Variants in PNLIP observed in about 807,000 individuals in gnomAD.
PNLIP encodes the protein pancreatic triacylglycerol lipase.
In PNLIP, 49 loss-of-function variants were observed where a neutral mutation model predicts 57.1. The ratio of observed to expected loss-of-function variants is 0.86; its 90% confidence interval spans 0.68 to 1.09. PNLIP has a LOEUF of 1.09. PNLIP is among the 50% of genes least tolerant of loss of function. The probability of loss-of-function intolerance (pLI) is 0.00; values close to 1 mark genes in which losing one functional copy is unlikely to be tolerated. For missense variants in PNLIP, 503 were observed against 570.2 expected, an observed-to-expected ratio of 0.88 and a Z score of 1.20; for synonymous variants, 209 against 200.4, an observed-to-expected ratio of 1.04 and a Z score of -0.36.
intron 5 of PNLIP, 119 bp from the exon 6 acceptor site, chr10:116,553,606 CTT>C (rs1847218127): frequency 1.4e-6 from 1 of 703,378 alleles, no homozygotes; most frequent in Admixed American, 2.1e-5. Flanking sequence ...TGTAAATATA[CTT>C]TATGATGTTC....
rs1847138136 is a variant in PNLIP at position 116,547,365 on chromosome 10, C to G, written c.118C>G (p.Pro40Ala). 1 of 1,613,820 alleles carries G rather than the reference C, an allele frequency of 6.2e-7. No homozygotes were observed. The highest frequency in any genetic ancestry group is 8.5e-7 in the Non-Finnish European group (1 of 1,179,846). Reference sequence around the variant, plus strand: ...CCCATGGTCAGGAATTACGGAAAGACCCCTCCATATATTGCCTTGGTCTCC... The same window carrying G: ...CCCATGGTCAGGAATTACGGAAAGAGCCCTCCATATATTGCCTTGGTCTCC... ...DSPWSGITERPLHILPWSPKD... is the reference protein window; with the variant it reads ...DSPWSGITERALHILPWSPKD... The change falls in exon 3 of 13, where the codon CCC (proline) becomes GCC (alanine). Residue 40 changes from proline to alanine, a missense_variant. Coordinates refer to ENST00000369221, the MANE Select transcript of PNLIP (RefSeq NM_000936.4).
intron 5 of PNLIP, among the ~76,000 whole-genome samples, chr10:116,551,625 A>C (rs957862328): frequency 3.2e-4 from 48 of 152,228 alleles, no homozygotes; most frequent in Non-Finnish European, 3.8e-4. Flanking sequence ...CAAAAACCAC[A>C]GAAAATGTTA....
chr10:116,564,098 A>C (rs1250434016), intron 12 of PNLIP, among the ~76,000 whole-genome samples: 1 of 152,128 alleles, frequency 6.6e-6, no homozygotes, highest in Non-Finnish European at 1.5e-5. Flanking sequence ...TGAAGAAAAC[A>C]GCACAGCACC....
rs1368762698 is a variant in PNLIP, at chr10:116,567,802, AC to A, written c.*5del. ...GCTCACCCTCACACCGTGTTAGGAG[AC>A]TACTGTTATTTGACCAATGAATTGA... On this transcript the variant is annotated 3_prime_UTR_variant, in exon 13 of 13. Coordinates refer to ENST00000369221, the MANE Select transcript of PNLIP (RefSeq NM_000936.4). 1 of 1,606,876 alleles carries A rather than the reference AC, an allele frequency of 6.2e-7. No individual in the cohort carries two copies.
chr10:116,553,870 G>C, intron 6 of PNLIP, 32 bp downstream of exon 6: 2 of 1,363,356 alleles, frequency 1.5e-6, no homozygotes, highest in Non-Finnish European at 2.1e-6. Context: ...TACCAGGGGG[G>C]TTGAGGCAAG....
rs370443086 is a variant in PNLIP, at chr10:116,567,741, C to A, written c.1341C>A (p.Asn447Lys). ...IVETNVGKQF[N>K]FCSPETVREE... ...TGTTGTTTTTTCTCCACAGGTTCAA[C>A]TTCTGTAGTCCAGAAACCGTCAGGG... Residue 447 changes from asparagine (N) to lysine (K), a missense_variant, in exon 13 of 13, where the codon AAC becomes AAA. Asn to Lys is a moderately conservative substitution (Grantham distance 94). Coordinates refer to ENST00000369221, the MANE Select transcript of PNLIP (RefSeq NM_000936.4). 3.5e-5 allele frequency: 57 copies of A among 1,613,548 alleles called. No homozygotes were observed. The highest frequency in any genetic ancestry group is 4.6e-5 in the Non-Finnish European group (54 of 1,179,546).
intron 12 of PNLIP, 77 bp downstream of exon 12, chr10:116,561,713 T>C: frequency 7.6e-7 from 1 of 1,314,080 alleles, no homozygotes; most frequent in Non-Finnish European, 1.1e-6. Flanking sequence ...AAGTCTAATT[T>C]AAGTGAAACC....
chr10:116,552,662 G>A (rs530085560), intron 5 of PNLIP, among the ~76,000 whole-genome samples: 5 of 152,194 alleles, frequency 3.3e-5, no homozygotes, highest in Middle Eastern at 3.4e-3. Flanking sequence ...CGAGGCGGGC[G>A]GATCATGAGG....
chr10:116,561,366 C>A, intron 11 of PNLIP, 106 bp from the exon 12 acceptor site: 1 of 736,800 alleles, frequency 1.4e-6, no homozygotes, highest in Non-Finnish European at 2.1e-6. Flanking sequence ...GTCTTAGAAA[C>A]ATAAATGTGT....
intron 12 of PNLIP, among the ~76,000 whole-genome samples, chr10:116,566,193 T>C (rs1847365718): frequency 6.6e-6 from 1 of 152,232 alleles, no homozygotes; most frequent in Admixed American, 6.5e-5. Context: ...AACTATGGTC[T>C]ATGGTCTGTC....
chr10:116,559,118 G>A, intron 9 of PNLIP, 36 bp from the exon 10 acceptor site: 3 of 1,597,684 alleles, frequency 1.9e-6, no homozygotes, highest in Non-Finnish European at 2.6e-6. Context: ...CTAAAAGATA[G>A]GGCATCCTCA....
chr10:116,547,338 T>A lies in PNLIP; in HGVS notation c.91T>A (p.Ser31Thr), dbSNP rs1384365962. ...AAGACTCGGCTGCTTCAGTGATGAC[T>A]CCCCATGGTCAGGAATTACGGAAAG... is the stretch of plus-strand genomic sequence containing the variant. ...YERLGCFSDD[S>T]PWSGITERPL... Residue 31 changes from serine to threonine, a missense_variant, in exon 3 of 13, where the codon TCC becomes ACC. Coordinates refer to ENST00000369221, the MANE Select transcript of PNLIP (RefSeq NM_000936.4). 2 of 1,613,996 alleles carry A rather than the reference T, an allele frequency of 1.2e-6. No homozygotes were observed. The highest frequency in any genetic ancestry group is 3.3e-5 in the Admixed American group (2 of 60,008).
chr10:116,547,232 T>G, intron 2 of PNLIP, 62 bp from the exon 3 acceptor site: 1 of 1,501,462 alleles, frequency 6.7e-7, no homozygotes, highest in Non-Finnish European at 9.3e-7. Flanking sequence ...ACTCATATAT[T>G]GGCAGACAGA....
At chr10:116,549,366 C>G (rs1234672225) in intron 4 of PNLIP, among the ~76,000 whole-genome samples, 1 of 152,078 alleles carries the variant, frequency 6.6e-6, no homozygotes, top group Non-Finnish European at 1.5e-5. Flanking sequence ...GTAATCCCAG[C>G]TACTCAGGAG....
Position 116,551,133 on chromosome 10 carries a change from T to G in PNLIP, c.360T>G (p.Cys120Trp). 1 of 1,612,102 alleles carries G rather than the reference T, an allele frequency of 6.2e-7. No homozygotes were observed. The highest frequency in any genetic ancestry group is 8.5e-7 in the Non-Finnish European group (1 of 1,178,908). Residue 120 changes from cysteine (C) to tryptophan (W), a missense_variant, in exon 5 of 13, where the codon TGT (cysteine) becomes TGG (tryptophan). Physicochemically the swap from Cys to Trp is radical, Grantham distance 215. Transcript: ENST00000369221. ...LFKVESVNCI[C>W]VDWKGGSRTG... ...AGGTGGAAAGTGTGAACTGTATCTG[T>G]GTGGACTGGAAAGGTGGCTCCCGAA...
chr10:116,567,762 C>T lies in PNLIP; in HGVS notation c.1362C>T (p.Val454=). The T allele has an allele frequency of 6.2e-7, 1 of 1,613,964 alleles. No homozygotes were observed. The highest frequency in any genetic ancestry group is 1.1e-5 in the South Asian group (1 of 91,064). ...KQFNFCSPET[V]REEVLLTLTP... is the part of the protein sequence containing the mutation. Reference sequence around the variant, plus strand: ...TCAACTTCTGTAGTCCAGAAACCGTCAGGGAGGAAGTTCTGCTCACCCTCA... The same window carrying T: ...TCAACTTCTGTAGTCCAGAAACCGTTAGGGAGGAAGTTCTGCTCACCCTCA... Residue 454 remains valine (V), a synonymous_variant, in exon 13 of 13, where the codon GTC becomes GTT. Coordinates refer to ENST00000369221, the MANE Select transcript of PNLIP (RefSeq NM_000936.4).
intron 9 of PNLIP, among the ~76,000 whole-genome samples, chr10:116,557,452 T>C (rs759948618): frequency 6.6e-6 from 1 of 151,906 alleles, no homozygotes; most frequent in Non-Finnish European, 1.5e-5. Flanking sequence ...GAATTGGGAG[T>C]CCATGGGTGT....
chr10:116,559,366 T>C, intron 10 of PNLIP, 83 bp downstream of exon 10: 1 of 1,091,988 alleles, frequency 9.2e-7, no homozygotes, highest in East Asian at 2.5e-5. Context: ...ATACTTGCTT[T>C]TCTATACAAA....
At chr10:116,554,820 G>C (rs1236474139) in intron 6 of PNLIP, among the ~76,000 whole-genome samples, 1 of 152,254 alleles carries the variant, frequency 6.6e-6, no homozygotes, top group African/African-American at 2.4e-5. Context: ...AATGCCTGTG[G>C]TCTCAGTGAC....
Sources: gnomAD v4.1 joint callset for allele counts (sites outside exome capture counted in the v4.1 genomes callset) on GRCh38, gnomAD v4.1.1 for gene constraint, MANE v1.5 for transcripts, NCBI Gene and HGNC (gene_info 2026-07-23, HGNC 2026-07-21) for gene names.